The following ARHGAP42 variants were observed in gnomAD, a reference collection of about 807,000 sequenced individuals.
ARHGAP42 encodes the protein Rho GTPase activating protein 42, also known as rho GTPase-activating protein 42.
Under a neutral mutation model 125.0 loss-of-function variants are expected in ARHGAP42, and 63 were observed. The observed-to-expected ratio is 0.50, with a 90% CI of 0.41 to 0.62. The LOEUF is 0.62. Among genes scored for constraint, ARHGAP42 ranks in the 20% least tolerant of loss-of-function variants. The pLI is 0.00. For missense variants in ARHGAP42, 766 were observed against 1,024.2 expected, an observed-to-expected ratio of 0.75 and a Z score of 3.44; for synonymous variants, 339 against 351.0, an observed-to-expected ratio of 0.97 and a Z score of 0.38.
At chr11:100,707,532 C>T (rs186756218) in intron 1 of ARHGAP42, among the ~76,000 whole-genome samples, 65 of 152,256 alleles carry the variant, frequency 4.3e-4, no homozygotes, top group Non-Finnish European at 7.6e-4. Context: ...TTTAAACTCT[C>T]ATCATCAGTA....
chr11:100,727,551 G>T (rs1328108015), intron 1 of ARHGAP42, among the ~76,000 whole-genome samples: 1 of 152,150 alleles, frequency 6.6e-6, no homozygotes, highest in Admixed American at 6.5e-5. Context: ...GAAGGGGAGA[G>T]GGCTGGAGAT....
intron 22 of ARHGAP42, among the ~76,000 whole-genome samples, chr11:100,984,438 G>C (rs929914332): frequency 6.6e-6 from 1 of 150,550 alleles, no homozygotes; most frequent in Non-Finnish European, 1.5e-5. Context: ...TTCTACCTCC[G>C]TGCACTCCTA....
intron 4 of ARHGAP42, among the ~76,000 whole-genome samples, chr11:100,877,866 G>A (rs1453754104): frequency 7.9e-5 from 12 of 151,976 alleles, no homozygotes; most frequent in East Asian, 2.0e-4. Context: ...TTAGCCAGAC[G>A]TGGTGGCACA....
chr11:100,958,227 A>C (rs767376074), intron 12 of ARHGAP42, among the ~76,000 whole-genome samples: 1 of 151,952 alleles, frequency 6.6e-6, no homozygotes, highest in Non-Finnish European at 1.5e-5. Flanking sequence ...CTGAATGCTT[A>C]GTGTTATGCT....
rs541212025 is a variant in ARHGAP42, at chr11:100,779,983, G to A, written c.250+9545G>A. On this transcript the variant is annotated intron_variant, in intron 2 of 23. Coordinates refer to ENST00000298815, the MANE Select transcript of ARHGAP42 (RefSeq NM_152432.4). ...AGAGGTTGCAGTGATCCAAGATTGC[G>A]CCACTGCACTCTAGCCTGGGGGACA... Among the ~76,000 whole-genome samples the A allele has an allele frequency of 2.0e-5, 3 of 151,074 alleles. No individual in the cohort carries two copies. In the East Asian group the frequency reaches 5.9e-4, roughly 29 times the overall value.
chr11:100,870,744 C>T (rs997360761), intron 4 of ARHGAP42, among the ~76,000 whole-genome samples: 1 of 152,152 alleles, frequency 6.6e-6, no homozygotes, highest in Non-Finnish European at 1.5e-5. Flanking sequence ...GTTACAGATA[C>T]AAACAGGAGT....
chr11:100,909,859 A>G (rs540206349), intron 4 of ARHGAP42, among the ~76,000 whole-genome samples: 1 of 152,250 alleles, frequency 6.6e-6, no homozygotes, highest in South Asian at 2.1e-4. Context: ...ATTTTAATAT[A>G]TTTTTATCTT....
At chr11:100,773,687 T>G (rs982376807) in intron 2 of ARHGAP42, among the ~76,000 whole-genome samples, 3 of 152,228 alleles carry the variant, frequency 2.0e-5, no homozygotes, top group Non-Finnish European at 2.9e-5. Context: ...TGTAGTGAAC[T>G]TGATATCTCA....
intron 1 of ARHGAP42, among the ~76,000 whole-genome samples, chr11:100,695,380 C>T (rs56114505): frequency 2.6e-5 from 4 of 152,048 alleles, no homozygotes; most frequent in Non-Finnish European, 5.9e-5. Context: ...CTCAGCTCAC[C>T]GCAACCTCCA....
chr11:100,795,893 G>A (rs1863698504), intron 3 of ARHGAP42, among the ~76,000 whole-genome samples: 1 of 152,168 alleles, frequency 6.6e-6, no homozygotes. Flanking sequence ...CTGATAGTCA[G>A]TTACAGTGAG....
intron 3 of ARHGAP42, among the ~76,000 whole-genome samples, chr11:100,818,363 T>A (rs1309146814): frequency 6.6e-6 from 1 of 152,180 alleles, no homozygotes; most frequent in African/African-American, 2.4e-5. Flanking sequence ...CGGAGATGCA[T>A]GTACATAACG....
intron 3 of ARHGAP42, among the ~76,000 whole-genome samples, chr11:100,808,909 G>A (rs768037380): frequency 6.6e-6 from 1 of 152,104 alleles, no homozygotes; most frequent in Non-Finnish European, 1.5e-5. Context: ...CTAACTCTTA[G>A]GGGTTCTTAT....
At chr11:100,973,672 A>G (rs1858314113) in intron 18 of ARHGAP42, among the ~76,000 whole-genome samples, 1 of 152,180 alleles carries the variant, frequency 6.6e-6, no homozygotes, top group Non-Finnish European at 1.5e-5. Context: ...ATATAGAGGT[A>G]ATGTTCTAAC....
intron 12 of ARHGAP42, among the ~76,000 whole-genome samples, chr11:100,953,874 G>A (rs525129): frequency 0.88 from 133,640 of 151,486 alleles, 59,054 homozygotes; most frequent in East Asian, 1. Flanking sequence ...TCTATCATCA[G>A]TATTAAACAG....
At chr11:100,791,199 G>T (rs1863560562) in intron 2 of ARHGAP42, among the ~76,000 whole-genome samples, 1 of 152,178 alleles carries the variant, frequency 6.6e-6, no homozygotes, top group South Asian at 2.1e-4. Context: ...TGTCTAGGGA[G>T]CTGCTGGGGC....
At chr11:100,803,264 G>A (rs1264273601) in intron 3 of ARHGAP42, among the ~76,000 whole-genome samples, 1 of 152,208 alleles carries the variant, frequency 6.6e-6, no homozygotes, top group East Asian at 1.9e-4. Context: ...ATCTAAGTAG[G>A]CTTGTTTGGG....
Position 100,709,682 on chromosome 11 carries a change from A to T in ARHGAP42, c.154+21850A>T, listed in dbSNP as rs558385476. On this transcript the variant is annotated intron_variant, in intron 1 of 23. Coordinates refer to ENST00000298815, the MANE Select transcript of ARHGAP42 (RefSeq NM_152432.4). Reference sequence around the variant, plus strand: ...TTCTCGCTTCTGCATATTTTTTATTACTAGCATATTTATGGCTTAAAGTCC... The same window carrying T: ...TTCTCGCTTCTGCATATTTTTTATTTCTAGCATATTTATGGCTTAAAGTCC... Among the ~76,000 whole-genome samples, 4 of 152,322 alleles carry T rather than the reference A, an allele frequency of 2.6e-5. No homozygotes were observed. The South Asian group carries it at 8.3e-4, about 32-fold the overall frequency.
At chr11:100,687,890 G>A (rs1231534698) in intron 1 of ARHGAP42, 58 bp downstream of exon 1, 2 of 1,477,282 alleles carry the variant, frequency 1.4e-6, no homozygotes, top group African/African-American at 1.4e-5. Flanking sequence ...CGCGGGGTGC[G>A]GGTCCGAAGG....
intron 1 of ARHGAP42, among the ~76,000 whole-genome samples, chr11:100,718,257 A>G (rs61910475): frequency 0.062 from 9,471 of 152,236 alleles, 415 homozygotes; most frequent in East Asian, 0.21. Context: ...AGGCCCTTCA[A>G]GGTAGAACTT....
Sources: allele counts gnomAD v4.1 joint callset (sites outside exome capture counted in the v4.1 genomes callset), GRCh38; gene constraint gnomAD v4.1.1; transcripts MANE v1.5; gene names NCBI Gene and HGNC (gene_info 2026-07-23, HGNC 2026-07-21).